KHDRBS2: variants seen among roughly 807,000 people sequenced by gnomAD.
KHDRBS2 encodes the protein KH domain-containing, RNA-binding, signal transduction-associated protein 2.
A neutral mutation model predicts 44.3 loss-of-function variants in KHDRBS2; 26 were observed. The observed-to-expected ratio is 0.59, with a 90% CI of 0.43 to 0.81. The LOEUF is 0.81. Among genes scored for constraint, KHDRBS2 ranks in the 40% least tolerant of loss-of-function variants. The probability of loss-of-function intolerance (pLI) is 0.00; values close to 1 mark genes in which losing one functional copy is unlikely to be tolerated. For missense variants in KHDRBS2, 476 were observed against 433.1 expected, an observed-to-expected ratio of 1.10 and a Z score of -0.88; for synonymous variants, 194 against 151.1, an observed-to-expected ratio of 1.28 and a Z score of -2.08.
At chr6:61,655,957 C>T in the KHDRBS2 span, among the ~76,000 whole-genome samples, 1 of 152,132 alleles carries the variant, frequency 6.6e-6, no homozygotes, top group African/African-American at 2.4e-5. Context: ...GTTTGGGCCC[C>T]ATCTGTGTTT....
At chr6:62,218,816 C>A (rs1258762755) in intron 1 of KHDRBS2, among the ~76,000 whole-genome samples, 2 of 151,748 alleles carry the variant, frequency 1.3e-5, no homozygotes, top group Non-Finnish European at 1.5e-5. Flanking sequence ...AGTATATATC[C>A]ACAATGAAAT....
intron 6 of KHDRBS2, among the ~76,000 whole-genome samples, chr6:61,769,868 G>C (rs1214565226): frequency 6.6e-6 from 1 of 152,226 alleles, no homozygotes. Context: ...CTTGAGATCT[G>C]AGAATGGGCA....
At chr6:61,764,887 G>T (rs746238009) in intron 6 of KHDRBS2, among the ~76,000 whole-genome samples, 1 of 151,966 alleles carries the variant, frequency 6.6e-6, no homozygotes, top group Non-Finnish European at 1.5e-5. Context: ...AAGACTATCT[G>T]TTGGTTCATG....
chr6:62,213,806 G>A (rs571942378), intron 1 of KHDRBS2, among the ~76,000 whole-genome samples: 38 of 146,666 alleles, frequency 2.6e-4, no homozygotes, highest in Admixed American at 2.2e-3. Flanking sequence ...CCCAGGAGGC[G>A]GAGCTTGCAG....
At chr6:61,566,018 TG>T in the KHDRBS2 span, among the ~76,000 whole-genome samples, 1 of 151,908 alleles carries the variant, frequency 6.6e-6, no homozygotes, top group Non-Finnish European at 1.5e-5. Flanking sequence ...TGTGTGTGTG[TG>T]TGTGTGTGCA....
At chr6:62,056,952 A>AT (rs1790421667) in intron 2 of KHDRBS2, among the ~76,000 whole-genome samples, 1 of 151,980 alleles carries the variant, frequency 6.6e-6, no homozygotes, top group African/African-American at 2.4e-5. Context: ...CAATAATCAA[A>AT]TTGAAACCAA....
chr6:61,772,347 C>A (rs1161437288), intron 6 of KHDRBS2, among the ~76,000 whole-genome samples: 7 of 152,006 alleles, frequency 4.6e-5, no homozygotes, highest in African/African-American at 1.4e-4. Flanking sequence ...AATAGAGACA[C>A]AAAAAACCCT....
At chr6:61,597,985 A>G in the KHDRBS2 span, among the ~76,000 whole-genome samples, 3 of 149,498 alleles carry the variant, frequency 2.0e-5, no homozygotes, top group Non-Finnish European at 4.5e-5. Flanking sequence ...ACAAAATTAA[A>G]TATCTAAGGA....
At chr6:62,088,412 T>C (rs1798826461) in intron 2 of KHDRBS2, among the ~76,000 whole-genome samples, 1 of 152,226 alleles carries the variant, frequency 6.6e-6, no homozygotes, top group Admixed American at 6.5e-5. Flanking sequence ...TTGATGGTGA[T>C]GCTATTGTTT....
At chr6:61,598,078 C>T in the KHDRBS2 span, among the ~76,000 whole-genome samples, 9 of 150,584 alleles carry the variant, frequency 6.0e-5, no homozygotes, top group Non-Finnish European at 1.3e-4. Flanking sequence ...AGTGTCTCCC[C>T]CACCTCCACC....
At chr6:61,813,735 T>C (rs1391158524) in intron 6 of KHDRBS2, among the ~76,000 whole-genome samples, 2 of 152,144 alleles carry the variant, frequency 1.3e-5, no homozygotes, top group Admixed American at 1.3e-4. Flanking sequence ...ACTTTATCAA[T>C]ATTAATATAG....
intron 1 of KHDRBS2, among the ~76,000 whole-genome samples, chr6:62,201,813 AAT>A (rs1270116779): frequency 6.6e-6 from 1 of 152,062 alleles, no homozygotes; most frequent in African/African-American, 2.4e-5. Context: ...GATCATCATC[AAT>A]AGACTATTGA....
At chr6:61,945,109 AAAAGTATATATATATATAT>A (rs1729718086) in intron 4 of KHDRBS2, among the ~76,000 whole-genome samples, 2 of 36,584 alleles carry the variant, frequency 5.5e-5, no homozygotes, top group African/African-American at 2.0e-4. Context: ...AAAAAAAAAA[AAAAGTATATATATATATAT>A]ATATATATAT....
chr6:62,016,714 G>T (rs1781280153), intron 3 of KHDRBS2, among the ~76,000 whole-genome samples: 2 of 151,550 alleles, frequency 1.3e-5, no homozygotes, highest in African/African-American at 4.8e-5. Context: ...GTACAGATGG[G>T]TAATGATCAA....
intron 4 of KHDRBS2, among the ~76,000 whole-genome samples, chr6:61,924,553 T>G (rs973505193): frequency 6.6e-6 from 1 of 151,056 alleles, no homozygotes; most frequent in Non-Finnish European, 1.5e-5. Context: ...TTTTTAAAAG[T>G]CTAACAGTAG....
intron 2 of KHDRBS2, among the ~76,000 whole-genome samples, chr6:62,096,136 T>C (rs555664468): frequency 6.6e-6 from 1 of 151,906 alleles, no homozygotes; most frequent in African/African-American, 2.4e-5. Flanking sequence ...TTGGTGGGGA[T>C]TTTTTGCATC....
At chr6:61,609,488 C>G in the KHDRBS2 span, among the ~76,000 whole-genome samples, 3 of 152,178 alleles carry the variant, frequency 2.0e-5, no homozygotes, top group African/African-American at 7.2e-5. Context: ...AAGATTGCTT[C>G]TAGTGCATAT....
intron 3 of KHDRBS2, among the ~76,000 whole-genome samples, chr6:62,002,449 A>G (rs1365371546): frequency 1.3e-5 from 2 of 151,746 alleles, no homozygotes; most frequent in Non-Finnish European, 2.9e-5. Flanking sequence ...TGTCTTTTCT[A>G]TCATTTTTGC....
At chr6:62,285,667 G>A (rs1585628001) in intron 1 of KHDRBS2, among the ~76,000 whole-genome samples, 191 bp downstream of exon 1, 1 of 152,150 alleles carries the variant, frequency 6.6e-6, no homozygotes. Context: ...AAATTAAGAC[G>A]TGGAGAAGGA....
Sources: allele counts gnomAD v4.1 joint callset (sites outside exome capture counted in the v4.1 genomes callset), GRCh38; gene constraint gnomAD v4.1.1; transcripts MANE v1.5; gene names NCBI Gene and HGNC (gene_info 2026-07-23, HGNC 2026-07-21).